GTF3C2: variants seen among roughly 807,000 people sequenced by gnomAD.
GTF3C2 encodes the protein general transcription factor 3C polypeptide 2.
GTF3C2 carries 17 observed loss-of-function variants against 117.4 expected under a neutral mutation model. The ratio of observed to expected loss-of-function variants is 0.14; its 90% CI spans 0.10 to 0.22. The LOEUF is 0.22. GTF3C2 is among the 10% of genes least tolerant of loss of function. GTF3C2 has a pLI of 1.00. For synonymous variants in GTF3C2, 437 were observed against 427.0 expected (o/e 1.02, Z -0.29); for missense variants, 888 against 1,143.6 (o/e 0.78, Z 3.22).
chr2:27,345,523 G>A (rs1224692597), intron 1 of GTF3C2, among the ~76,000 whole-genome samples: 1 of 151,438 alleles, frequency 6.6e-6, no homozygotes. Flanking sequence ...AACCCGTGGG[G>A]TGGAGGTTGC....
At chr2:27,354,494 C>T (rs1170621328) in intron 1 of GTF3C2, among the ~76,000 whole-genome samples, 1 of 152,196 alleles carries the variant, frequency 6.6e-6, no homozygotes, top group Non-Finnish European at 1.5e-5. Context: ...AGTGCTGTGA[C>T]TCACGCCTGT....
At chr2:27,356,214 G>A (rs1681371337) in intron 1 of GTF3C2, 1 of 681,078 alleles carries the variant, frequency 1.5e-6, no homozygotes, top group South Asian at 1.4e-5. Flanking sequence ...ACTGGCCCTT[G>A]GTTACGCCAA....
chr2:27,334,681 CGCCCAGGCTA>C (rs1190975277), intron 10 of GTF3C2, among the ~76,000 whole-genome samples: 1 of 151,790 alleles, frequency 6.6e-6, no homozygotes, highest in Non-Finnish European at 1.5e-5. Context: ...CTCACTAAGC[CGCCCAGGCTA>C]CAGTGCAGTG....
In GTF3C2 at chr2:27,327,291, A is replaced by C; in HGVS notation, c.2410-7T>G. The C allele has an allele frequency of 6.8e-7, 1 of 1,461,698 alleles. No homozygotes were observed. The allele number at this position is 1,461,698 out of a possible 1,614,324, so 90.5% of individuals were successfully genotyped here. A position where few individuals can be genotyped will look rare whatever the true frequency, so the allele number is the denominator to read the frequency against. On this transcript the variant is annotated splice_polypyrimidine_tract_variant and splice_region_variant and intron_variant, in intron 17 of 18. Coordinates refer to ENST00000264720, the Ensembl canonical transcript of GTF3C2. Reference sequence around the variant, plus strand: ...GCAGATCATGGAATGAACCCTGGGGAAGGGAAATGGAATAGGAGAGAGAAA... The same window carrying C: ...GCAGATCATGGAATGAACCCTGGGGCAGGGAAATGGAATAGGAGAGAGAAA...
At chr2:27,344,781 C>T (rs889559661) in intron 1 of GTF3C2, among the ~76,000 whole-genome samples, 1 of 151,784 alleles carries the variant, frequency 6.6e-6, no homozygotes, top group Non-Finnish European at 1.5e-5. Context: ...GCCAGGAGTT[C>T]AAGACCAGTC....
exon 4 of GTF3C2, chr2:27,342,165 G>C (rs1218451887): frequency 1.2e-6 from 2 of 1,614,008 alleles, no homozygotes; most frequent in African/African-American, 1.3e-5. Context: ...GGGGCCCTCA[G>C]GACAGGACAC....
intron 8 of GTF3C2, 70 bp downstream of exon 8, chr2:27,336,128 C>T: frequency 7.0e-7 from 1 of 1,420,730 alleles, no homozygotes; most frequent in Non-Finnish European, 1.0e-6. Flanking sequence ...AGCCCTTCCC[C>T]CTATCCTGTC....
At chr2:27,330,722 A>G (rs575126388) in intron 12 of GTF3C2, among the ~76,000 whole-genome samples, 9 of 152,314 alleles carry the variant, frequency 5.9e-5, no homozygotes, top group Non-Finnish European at 1.3e-4. Flanking sequence ...GCACTTTAGG[A>G]GGCCAGGGTG....
chr2:27,333,127 C>A (rs1183402030), intron 12 of GTF3C2, among the ~76,000 whole-genome samples: 1 of 150,676 alleles, frequency 6.6e-6, no homozygotes, highest in Non-Finnish European at 1.5e-5. Flanking sequence ...GAATTATAGG[C>A]ATGAGCCACC....
In GTF3C2 at chr2:27,336,054, G is replaced by A. The variant is rs752844063; in HGVS notation, c.1356-26C>T. On this transcript the variant is annotated intron_variant, in intron 8 of 18. Coordinates refer to ENST00000264720, the Ensembl canonical transcript of GTF3C2. The stretch of plus-strand genomic sequence containing the variant: ...CTGGAGAGAGAGAGCATGTGGGGAT[G>A]GTGGGTAGGAAGAAGGGACGCAGGG... 7.2e-6 allele frequency: 11 copies of A among 1,519,150 alleles called. 1 individual carries two copies. The South Asian group carries it at 1.2e-4, about 17-fold the overall frequency. The allele number at this position is 1,519,150 out of a possible 1,614,324, so 94.1% of individuals were successfully genotyped here. A position where few individuals can be genotyped will look rare whatever the true frequency, so the allele number is the denominator to read the frequency against.
At chr2:27,336,236 G>C (rs749081005) in exon 8 of GTF3C2, 1 of 1,613,992 alleles carries the variant, frequency 6.2e-7, no homozygotes, top group Admixed American at 1.7e-5. Context: ...CCCAGAGCTG[G>C]AGCAGCCCAG....
chr2:27,348,775 C>A (rs1229595951), intron 1 of GTF3C2, among the ~76,000 whole-genome samples: 1 of 152,160 alleles, frequency 6.6e-6, no homozygotes, highest in Non-Finnish European at 1.5e-5. Flanking sequence ...CCTGGGCAGA[C>A]AGAGCAAGAT....
At chr2:27,332,696 G>A (rs914613682) in intron 12 of GTF3C2, among the ~76,000 whole-genome samples, 2 of 151,926 alleles carry the variant, frequency 1.3e-5, no homozygotes, top group African/African-American at 4.8e-5. Flanking sequence ...TTACAGGCGT[G>A]AGCCACCGTG....
Position 27,349,730 on chromosome 2 carries a change from CTG to C in GTF3C2, c.-24-6154_-24-6153del, listed in dbSNP as rs531334504. ...CTCGGCTCACTGCAACCTCTGCCTC[CTG>C]GGTTCAAGCAACTCTCCTGCCTCAG... On this transcript the variant is annotated intron_variant, in intron 1 of 18. Coordinates refer to ENST00000264720, the Ensembl canonical transcript of GTF3C2. Among the ~76,000 whole-genome samples the C allele has an allele frequency of 1.5e-4, 23 of 152,024 alleles. No individual in the cohort carries two copies. The East Asian group carries it at 3.3e-3, about 22-fold the overall frequency.
intron 4 of GTF3C2, chr2:27,341,720 C>T (rs1680736001): frequency 1.9e-6 from 1 of 536,850 alleles, no homozygotes; most frequent in African/African-American, 1.9e-5. Context: ...GTTGTGTTTC[C>T]TAACAGAGAA....
chr2:27,345,782 C>T (rs1236464693), intron 1 of GTF3C2, among the ~76,000 whole-genome samples: 2 of 145,202 alleles, frequency 1.4e-5, no homozygotes, highest in African/African-American at 2.6e-5. Flanking sequence ...GGCGTGATGT[C>T]GGCTCACTGC....
chr2:27,342,096 C>T, exon 4 of GTF3C2: 2 of 1,614,164 alleles, frequency 1.2e-6, no homozygotes, highest in East Asian at 2.2e-5. Context: ...CACCTCTTCT[C>T]CACCTGGACA....
chr2:27,327,566 C>T (rs1329565832), intron 17 of GTF3C2, among the ~76,000 whole-genome samples: 3 of 151,264 alleles, frequency 2.0e-5, no homozygotes, highest in African/African-American at 4.9e-5. Context: ...TCAGGTGATC[C>T]GCCCACCTCA....
At chr2:27,331,498 G>C (rs1376034583) in intron 12 of GTF3C2, among the ~76,000 whole-genome samples, 1 of 151,704 alleles carries the variant, frequency 6.6e-6, no homozygotes, top group South Asian at 2.1e-4. Context: ...GCTAATTTTT[G>C]TATTTTTTAG....
Sources: allele counts gnomAD v4.1 joint callset (sites outside exome capture counted in the v4.1 genomes callset), GRCh38; gene constraint gnomAD v4.1.1; transcripts MANE v1.5; gene names NCBI Gene and HGNC (gene_info 2026-07-23, HGNC 2026-07-21).